Variants in PHF2 observed in about 807,000 individuals in gnomAD.
PHF2 encodes the protein lysine-specific demethylase PHF2.
PHF2 carries 27 observed loss-of-function variants against 120.5 expected under a neutral mutation model. That is an observed-to-expected ratio of 0.22 (90% CI 0.17 to 0.31). The LOEUF is 0.31. PHF2 is among the 10% of genes least tolerant of loss of function. PHF2 has a pLI of 1.00. For synonymous variants in PHF2, 568 were observed against 592.5 expected, an observed-to-expected ratio of 0.96 and a Z score of 0.60; for missense variants, 1,024 against 1,434.8, an observed-to-expected ratio of 0.71 and a Z score of 4.63.
At chr9:93,596,100 G>A (rs1313512719) in intron 1 of PHF2, among the ~76,000 whole-genome samples, 1 of 152,150 alleles carries the variant, frequency 6.6e-6, no homozygotes, top group Non-Finnish European at 1.5e-5. Context: ...CCTCTTCTGT[G>A]TGCTGGGTCT....
intron 1 of PHF2, among the ~76,000 whole-genome samples, chr9:93,597,589 A>G (rs1465428956): frequency 2.0e-5 from 3 of 152,108 alleles, no homozygotes; most frequent in African/African-American, 7.2e-5. Context: ...CAGCATGGCT[A>G]TGGCTTGGCT....
chr9:93,595,184 C>T (rs1825309605), intron 1 of PHF2, among the ~76,000 whole-genome samples: 1 of 152,170 alleles, frequency 6.6e-6, no homozygotes, highest in South Asian at 2.1e-4. Flanking sequence ...TTAGTCATAA[C>T]TATTCAGGTA....
At chr9:93,649,234 G>C in intron 5 of PHF2, 22 bp downstream of exon 5, 1 of 1,531,972 alleles carries the variant, frequency 6.5e-7, no homozygotes, top group South Asian at 1.2e-5. Context: ...CACCCTGGGG[G>C]TGTGGGGGCT....
At chr9:93,671,414 A>G (rs1385377683) in intron 17 of PHF2, among the ~76,000 whole-genome samples, 17 of 68,156 alleles carry the variant, frequency 2.5e-4, no homozygotes, top group East Asian at 4.9e-4. Flanking sequence ...GTGGGTGTGG[A>G]TGTAGGTACA....
intron 17 of PHF2, among the ~76,000 whole-genome samples, chr9:93,668,120 A>G (rs755883526): frequency 8.5e-5 from 13 of 152,174 alleles, no homozygotes; most frequent in South Asian, 4.1e-4. Flanking sequence ...TCTTTCATAT[A>G]TTACTATTTT....
At chr9:93,649,335 C>A in intron 5 of PHF2, 123 bp downstream of exon 5, 11 of 493,168 alleles carry the variant, frequency 2.2e-5, no homozygotes, top group East Asian at 4.1e-5. Flanking sequence ...GCACATGGCA[C>A]ACACTGATTT....
chr9:93,675,833 A>T (rs2118157059), intron 20 of PHF2, 44 bp downstream of exon 20: 1 of 1,474,190 alleles, frequency 6.8e-7, no homozygotes, highest in Non-Finnish European at 9.4e-7. Flanking sequence ...GGTCCCTGCT[A>T]CCCCCACCTG....
chr9:93,580,949 G>A (rs1166843520), intron 1 of PHF2, among the ~76,000 whole-genome samples: 1 of 152,146 alleles, frequency 6.6e-6, no homozygotes, highest in African/African-American at 2.4e-5. Context: ...AGAAGGTTAG[G>A]GGCAGGGAGC....
At chr9:93,604,730 C>A (rs909996947) in intron 1 of PHF2, among the ~76,000 whole-genome samples, 1 of 152,214 alleles carries the variant, frequency 6.6e-6, no homozygotes, top group Non-Finnish European at 1.5e-5. Context: ...TCCCAAAGTG[C>A]TGGGCCACCG....
intron 14 of PHF2, 114 bp from the exon 15 acceptor site, chr9:93,665,572 G>A: frequency 8.8e-7 from 1 of 1,132,718 alleles, no homozygotes; most frequent in Non-Finnish European, 1.3e-6. Context: ...AACGTCACCT[G>A]CCTCCTGGAG....
chr9:93,609,745 C>G (rs1470547897), intron 1 of PHF2, among the ~76,000 whole-genome samples: 1 of 152,012 alleles, frequency 6.6e-6, no homozygotes, highest in African/African-American at 2.4e-5. Context: ...CTTTGTCACC[C>G]AGTCTAGAGT....
chr9:93,581,066 A>T (rs74604187), intron 1 of PHF2, among the ~76,000 whole-genome samples: 1 of 152,020 alleles, frequency 6.6e-6, no homozygotes, highest in Non-Finnish European at 1.5e-5. Context: ...GGTAGAGTGG[A>T]CAAGACTTGC....
chr9:93,657,020 A>T (rs1362215950), intron 9 of PHF2, among the ~76,000 whole-genome samples: 1 of 151,482 alleles, frequency 6.6e-6, no homozygotes, highest in Admixed American at 6.6e-5. Context: ...ACCGTGAGGC[A>T]GGCTTGTGGC....
At chr9:93,613,740 T>G (rs1341101865) in intron 1 of PHF2, among the ~76,000 whole-genome samples, 1 of 151,994 alleles carries the variant, frequency 6.6e-6, no homozygotes, top group Non-Finnish European at 1.5e-5. Context: ...GGCTGGCTAA[T>G]TTTTATATTT....
chr9:93,594,947 T>C (rs542921621), intron 1 of PHF2: 21 of 154,076 alleles, frequency 1.4e-4, no homozygotes, highest in African/African-American at 4.8e-4. Context: ...ATGGAGATTC[T>C]TCCTGCACAG....
intron 1 of PHF2, among the ~76,000 whole-genome samples, chr9:93,611,216 G>A (rs1199002984): frequency 3.3e-5 from 5 of 152,044 alleles, no homozygotes; most frequent in Admixed American, 2.6e-4. Context: ...AGGAGTTCAC[G>A]ACCAGCCTGA....
At chr9:93,607,945 G>A (rs527974319) in intron 1 of PHF2, among the ~76,000 whole-genome samples, 3 of 145,626 alleles carry the variant, frequency 2.1e-5, no homozygotes, top group Non-Finnish European at 3.0e-5. Context: ...AGAGATGAGA[G>A]AGAGAGAGAG....
intron 1 of PHF2, among the ~76,000 whole-genome samples, chr9:93,623,958 C>CT (rs1825865529): frequency 6.6e-6 from 1 of 152,234 alleles, no homozygotes; most frequent in African/African-American, 2.4e-5. Flanking sequence ...AGCTCACTGT[C>CT]TAACGAGTGT....
intron 12 of PHF2, among the ~76,000 whole-genome samples, chr9:93,661,632 C>T (rs962187622): frequency 1.4e-4 from 19 of 138,856 alleles, no homozygotes; most frequent in African/African-American, 3.0e-4. Context: ...GATGGAAGGA[C>T]GAATAAATGA....
Sources: allele counts gnomAD v4.1 joint callset (sites outside exome capture counted in the v4.1 genomes callset), GRCh38; gene constraint gnomAD v4.1.1; transcripts MANE v1.5; gene names NCBI Gene and HGNC (gene_info 2026-07-23, HGNC 2026-07-21).